PHKG1: variants seen among roughly 807,000 people sequenced by gnomAD.
PHKG1 encodes the protein phosphorylase b kinase gamma catalytic chain, skeletal muscle/heart isoform.
In PHKG1, 48 loss-of-function variants were observed where a neutral mutation model predicts 50.5. The ratio of observed to expected loss-of-function variants is 0.95; its 90% CI spans 0.75 to 1.21. The LOEUF (loss-of-function observed/expected upper bound fraction) is 1.21. PHKG1 is among the 50% of genes most tolerant of loss of function. The probability of loss-of-function intolerance (pLI) is 0.00; values close to 1 mark genes in which losing one functional copy is unlikely to be tolerated. For synonymous variants in PHKG1, 204 were observed against 212.8 expected, an observed-to-expected ratio of 0.96 and a Z score of 0.36; for missense variants, 487 against 519.5, an observed-to-expected ratio of 0.94 and a Z score of 0.61.
At position 56,081,178 on chromosome 7, in the gene PHKG1, A is replaced by G; in HGVS notation, c.1040T>C (p.Ile347Thr). The change falls in exon 10 of 10, where the codon ATC (isoleucine) becomes ACC (threonine). Residue 347 changes from isoleucine (I) to threonine (T), a missense_variant. Transcript: ENST00000297373. The surrounding 1 kb of genome is among the most constrained non-coding windows in gnomAD (Gnocchi z 4.6). ...PYALRPLRRL[I>T]DAYAFRIYGH... ...ATAGATTCGGAAAGCGTAGGCGTCG[A>G]TGAGCCGGCGCAGAGGCCGGAGGGC... 6.2e-7 allele frequency: 1 copy of G among 1,613,764 alleles called. No homozygotes were observed. The highest frequency in any genetic ancestry group is 8.5e-7 in the Non-Finnish European group (1 of 1,179,922).
intron 4 of PHKG1, 44 bp downstream of exon 4, chr7:56,086,926 G>C (rs564961499): frequency 1.3e-6 from 2 of 1,501,996 alleles, no homozygotes; most frequent in East Asian, 2.3e-5. Flanking sequence ...GACAGCAGTC[G>C]GAGGTTCTCT....
chr7:56,083,178 G>T, intron 6 of PHKG1, 100 bp downstream of exon 6: 1 of 1,026,528 alleles, frequency 9.7e-7, no homozygotes, highest in Non-Finnish European at 1.4e-6. Flanking sequence ...TTATTCCAGG[G>T]AACAATTAAG....
intron 4 of PHKG1, 82 bp downstream of exon 4, chr7:56,086,888 C>A: frequency 3.8e-6 from 4 of 1,065,018 alleles, no homozygotes; most frequent in South Asian, 2.5e-5. Flanking sequence ...TGGCTGTGGT[C>A]TCCAGGCAGC....
chr7:56,084,145 G>C, intron 4 of PHKG1: 1 of 1,510,724 alleles, frequency 6.6e-7, no homozygotes, highest in East Asian at 2.5e-5. Context: ...CCTGTGAGCA[G>C]TACCTTGCCC....
chr7:56,082,368 G>A (rs531313025), intron 6 of PHKG1, 115 bp from the exon 7 acceptor site: 28 of 738,066 alleles, frequency 3.8e-5, no homozygotes, highest in Non-Finnish European at 4.0e-5. Context: ...CGAGGCAGGT[G>A]GCTCATCTGA....
intron 1 of PHKG1, among the ~76,000 whole-genome samples, chr7:56,090,097 TTTTG>T (rs1364549673): frequency 2.6e-5 from 4 of 152,000 alleles, no homozygotes; most frequent in Non-Finnish European, 5.9e-5. Context: ...CCTCATGTTT[TTTTG>T]TTTGTTTGTT....
chr7:56,086,768 A>G (rs1199725649), intron 4 of PHKG1: 3 of 576,764 alleles, frequency 5.2e-6, no homozygotes, highest in African/African-American at 1.9e-5. Context: ...ATTTAAAGAA[A>G]TGATCCAGCC....
chr7:56,088,540 A>AAT, intron 2 of PHKG1: 1 of 189,424 alleles, frequency 5.3e-6, no homozygotes, highest in Non-Finnish European at 1.1e-5. Context: ...AAAAAAAAAA[A>AAT]GATACGGGGT....
At position 56,081,931 on chromosome 7, in the gene PHKG1, G is replaced by A. The variant is rs1796019096; in HGVS notation, c.754C>T (p.Pro252Ser). ...IMSGNYQFGS[P>S]EWDDYSDTVK... ...GTGTCCGAGTAATCATCCCACTCGG[G>A]CGAGCCAAACTGGTAGTTGCCGCTC... is the stretch of plus-strand genomic sequence containing the variant. The change falls in exon 8 of 10, where the codon CCC becomes TCC. Residue 252 changes from proline (P) to serine (S), a missense_variant. Physicochemically the swap from Pro to Ser is moderately conservative, Grantham distance 74. Transcript: ENST00000297373. The surrounding 1 kb of genome is among the most constrained non-coding windows in gnomAD (Gnocchi z 4.6). The A allele has an allele frequency of 1.2e-6, 2 of 1,613,618 alleles. No homozygotes were observed. Among genetic ancestry groups the A allele is most frequent in the Middle Eastern group, 1.6e-4 (1 of 6,084 alleles).
chr7:56,082,115 T>A, intron 7 of PHKG1, 48 bp downstream of exon 7: 2 of 1,611,450 alleles, frequency 1.2e-6, no homozygotes, highest in Non-Finnish European at 1.7e-6. Flanking sequence ...GCCTACTTCC[T>A]CCCTTGCCCA....
At chr7:56,082,431 A>G (rs1796051134) in intron 6 of PHKG1, among the ~76,000 whole-genome samples, 178 bp from the exon 7 acceptor site, 1 of 152,076 alleles carries the variant, frequency 6.6e-6, no homozygotes, top group Non-Finnish European at 1.5e-5. Flanking sequence ...CATCTCTACT[A>G]AAAATACAAA....
At chr7:56,092,365 C>T (rs1178125708) in intron 1 of PHKG1, among the ~76,000 whole-genome samples, 6 of 152,272 alleles carry the variant, frequency 3.9e-5, no homozygotes, top group South Asian at 2.1e-4. Flanking sequence ...TTCTGCTTTC[C>T]GGGTTCAAGC....
At chr7:56,082,827 G>A (rs928324644) in intron 6 of PHKG1, among the ~76,000 whole-genome samples, 4 of 152,088 alleles carry the variant, frequency 2.6e-5, no homozygotes, top group Non-Finnish European at 5.9e-5. Context: ...GCCTAGCCCT[G>A]CTGGGCATGG....
chr7:56,092,565 G>A (rs550202761), intron 1 of PHKG1, among the ~76,000 whole-genome samples: 93 of 152,214 alleles, frequency 6.1e-4, no homozygotes, highest in African/African-American at 1.9e-3. Flanking sequence ...GAGCCATCGC[G>A]CCTGCCTGGC....
At chr7:56,084,084 G>A in intron 4 of PHKG1, 2 of 879,838 alleles carry the variant, frequency 2.3e-6, no homozygotes, top group Non-Finnish European at 3.6e-6. Context: ...CTAGTTCCAG[G>A]CCAGGATGGC....
chr7:56,082,960 G>A (rs1319361538), intron 6 of PHKG1, among the ~76,000 whole-genome samples: 1 of 152,068 alleles, frequency 6.6e-6, no homozygotes, highest in Non-Finnish European at 1.5e-5. Context: ...ACAAAAATTA[G>A]CCGAGCGTTG....
chr7:56,081,759 T>TGAGAGGAG lies in PHKG1; in HGVS notation c.793-12_793-5dup. On this transcript the variant is annotated splice_region_variant and splice_polypyrimidine_tract_variant and intron_variant, in intron 8 of 9. Transcript: ENST00000297373. The surrounding 1 kb of genome is among the most constrained non-coding windows in gnomAD (Gnocchi z 4.6). Reference sequence around the variant, plus strand: ...GCACCACCAGGAATCGGGAGACCTGTGAGAGGAGGAGAGGGGAACCGAGAA... The same window carrying TGAGAGGAG: ...GCACCACCAGGAATCGGGAGACCTGTGAGAGGAGGAGAGGAGGAGAGGGGAACCGAGAA... 6.2e-7 allele frequency: 1 copy of TGAGAGGAG among 1,612,420 alleles called. No individual in the cohort carries two copies. The highest frequency in any genetic ancestry group is 1.1e-5 in the South Asian group (1 of 91,030).
Position 56,086,964 on chromosome 7 carries a change from A to T in PHKG1, c.317+6T>A. On this transcript the variant is annotated splice_donor_region_variant and intron_variant, in intron 4 of 9. Coordinates refer to ENST00000297373, the MANE Select transcript of PHKG1 (RefSeq NM_006213.5). ...GGTGTGGCTTGCTCCAGTGCTGGGT[A>T]CTTACAGGTCAAACACCAAGAAGAA... 1.2e-6 allele frequency: 2 copies of T among 1,610,676 alleles called. No individual in the cohort carries two copies. The highest frequency in any genetic ancestry group is 1.7e-6 in the Non-Finnish European group (2 of 1,177,018).
At position 56,080,750 on chromosome 7, in the gene PHKG1, AG is replaced by A; in HGVS notation, c.*303del. The A allele has an allele frequency of 4.7e-6, 2 of 422,230 alleles. No homozygotes were observed. The highest frequency in any genetic ancestry group is 2.0e-5 in the African/African-American group (1 of 50,326). 26.2% of individuals were successfully genotyped at this position (422,230 alleles called of 1,614,324 possible). ...GTCAGTAACTCTGGGCCTCCCCTAAAGAGAAATGGAGATGGTGGCTCATCTA... is the reference window on the plus strand; with the variant it reads ...GTCAGTAACTCTGGGCCTCCCCTAAAAGAAATGGAGATGGTGGCTCATCTA... On this transcript the variant is annotated 3_prime_UTR_variant, in exon 10 of 10. Coordinates refer to ENST00000297373, the MANE Select transcript of PHKG1 (RefSeq NM_006213.5).
Sources: allele counts gnomAD v4.1 joint callset (sites outside exome capture counted in the v4.1 genomes callset), GRCh38; gene constraint gnomAD v4.1.1; non-coding constraint Gnocchi (gnomAD v3.1); transcripts MANE v1.5; gene names NCBI Gene and HGNC (gene_info 2026-07-23, HGNC 2026-07-21).